Variants in PRSS21 observed in about 807,000 individuals in gnomAD.
The protein encoded by PRSS21 is testisin.
In PRSS21, 40 loss-of-function variants were observed where a neutral mutation model predicts 31.1. That is an observed-to-expected ratio of 1.29 (90% CI 1.00 to 1.68). The LOEUF is 1.68. Among genes scored for constraint, PRSS21 ranks in the 40% most tolerant of loss-of-function variants. The pLI, the probability that PRSS21 is intolerant of heterozygous loss-of-function variation, is 0.00. For missense variants in PRSS21, 467 were observed against 412.6 expected, an observed-to-expected ratio of 1.13 and a Z score of -1.14; for synonymous variants, 186 against 167.7, an observed-to-expected ratio of 1.11 and a Z score of -0.84.
chr16:2,821,706 G>A lies in PRSS21; in HGVS notation c.*101G>A. On this transcript the variant is annotated 3_prime_UTR_variant, in exon 6 of 6. Coordinates refer to ENST00000005995, the MANE Select transcript of PRSS21 (RefSeq NM_006799.4). ...ACACATTCCAGTTGATGCCTTGCAGGGCATTCTTCAAAAGCAGTGGCTTCA... is the reference window on the plus strand; with the variant it reads ...ACACATTCCAGTTGATGCCTTGCAGAGCATTCTTCAAAAGCAGTGGCTTCA... 1 of 1,452,288 alleles carries A rather than the reference G, an allele frequency of 6.9e-7. No homozygotes were observed. The highest frequency in any genetic ancestry group is 9.3e-7 in the Non-Finnish European group (1 of 1,075,382). 90.0% of individuals were successfully genotyped at this position (1,452,288 alleles called of 1,614,324 possible). A position where few individuals can be genotyped will look rare whatever the true frequency, so the allele number is the denominator to read the frequency against.
At position 2,817,533 on chromosome 16, in the gene PRSS21, G is replaced by A. The variant is rs915881979; in HGVS notation, c.91+77G>A. ...ACGGGGGGCGGTGAGGGGGTAGAGG[G>A]GGGCCTTTACTGCTCTCTCGCCCCC... On this transcript the variant is annotated intron_variant, in intron 2 of 5. Coordinates refer to ENST00000005995, the MANE Select transcript of PRSS21 (RefSeq NM_006799.4). The surrounding 1 kb of genome is among the most constrained non-coding windows in gnomAD (Gnocchi z 4.2). 1.2e-5 allele frequency: 17 copies of A among 1,384,964 alleles called. No homozygotes were observed. The highest frequency in any genetic ancestry group is 1.5e-5 in the Non-Finnish European group (16 of 1,033,970). 85.8% of individuals were successfully genotyped at this position (1,384,964 alleles called of 1,614,324 possible).
At chr16:2,819,649 T>C (rs1214205455) in intron 4 of PRSS21, among the ~76,000 whole-genome samples, 1 of 152,234 alleles carries the variant, frequency 6.6e-6, no homozygotes, top group Non-Finnish European at 1.5e-5. Context: ...ACGTGGTTCC[T>C]TGAGCACACG....
intron 4 of PRSS21, 123 bp from the exon 5 acceptor site, chr16:2,820,832 A>G (rs546154702): frequency 2.8e-5 from 27 of 969,588 alleles, no homozygotes; most frequent in Non-Finnish European, 3.7e-5. Flanking sequence ...AGCTGGGGGT[A>G]ATGGAGATGA....
In PRSS21 at chr16:2,817,513, GGGC is replaced by G; in HGVS notation, c.91+60_91+62del. 7.3e-7 allele frequency: 1 copy of G among 1,367,680 alleles called. No homozygotes were observed. The highest frequency in any genetic ancestry group is 9.8e-7 in the Non-Finnish European group (1 of 1,022,316). The allele number at this position is 1,367,680 out of a possible 1,614,324, so 84.7% of individuals were successfully genotyped here. A position where few individuals can be genotyped will look rare whatever the true frequency, so the allele number is the denominator to read the frequency against. On this transcript the variant is annotated intron_variant, in intron 2 of 5. Transcript: ENST00000005995. The surrounding 1 kb of genome is among the most constrained non-coding windows in gnomAD (Gnocchi z 4.2). ...GGGCCGTTGGGCCGAGGTGGACGGG[GGGC>G]GGTGAGGGGGTAGAGGGGGGCCTTT...
At chr16:2,821,228 A>G in intron 5 of PRSS21, 119 bp downstream of exon 5, 1 of 1,539,858 alleles carries the variant, frequency 6.5e-7, no homozygotes, top group Admixed American at 1.7e-5. Context: ...AGATGCAGAA[A>G]CGGAGGCTTG....
In PRSS21 at chr16:2,817,404, G is replaced by A. The variant is rs1222128026; in HGVS notation, c.65-26G>A. ...GGGGAGGACGGGAGGTGGAGGCCGCGGGGAGTCACTTCTTGTCTCCCGCAG... is the reference window on the plus strand; with the variant it reads ...GGGGAGGACGGGAGGTGGAGGCCGCAGGGAGTCACTTCTTGTCTCCCGCAG... On this transcript the variant is annotated intron_variant, in intron 1 of 5. Coordinates refer to ENST00000005995, the MANE Select transcript of PRSS21 (RefSeq NM_006799.4). This position sits in a 1 kb window ranked among gnomAD's most constrained non-coding sequence, Gnocchi z 4.2. 2 of 1,595,902 alleles carry A rather than the reference G, an allele frequency of 1.3e-6. No individual in the cohort carries two copies. Among genetic ancestry groups the A allele is most frequent in the African/African-American group, 2.7e-5 (2 of 74,708 alleles).
chr16:2,817,238 GAGGGGGCGTC>G lies in PRSS21; in HGVS notation c.-27_-18del. 6.8e-7 allele frequency: 1 copy of G among 1,478,936 alleles called. No individual in the cohort carries two copies. The highest frequency in any genetic ancestry group is 8.9e-7 in the Non-Finnish European group (1 of 1,123,148). 91.6% of individuals were successfully genotyped at this position (1,478,936 alleles called of 1,614,324 possible). On this transcript the variant is annotated 5_prime_UTR_variant, in exon 1 of 6. Transcript: ENST00000005995. This position sits in a 1 kb window ranked among gnomAD's most constrained non-coding sequence, Gnocchi z 4.2. ...CCCGGGCCCGGCGCGAGAGGAGGCA[GAGGGGGCGTC>G]AGGCCGCGGGAGAGGAGGCCATGGG... is the stretch of plus-strand genomic sequence containing the variant.
Position 2,817,524 on chromosome 16 carries a change from G to T in PRSS21, c.91+68G>T. ...CCGAGGTGGACGGGGGGCGGTGAGGGGGTAGAGGGGGGCCTTTACTGCTCT... is the reference window on the plus strand; with the variant it reads ...CCGAGGTGGACGGGGGGCGGTGAGGTGGTAGAGGGGGGCCTTTACTGCTCT... On this transcript the variant is annotated intron_variant, in intron 2 of 5. Transcript: ENST00000005995. This position sits in a 1 kb window ranked among gnomAD's most constrained non-coding sequence, Gnocchi z 4.2. The T allele has an allele frequency of 8.4e-7, 1 of 1,195,696 alleles. No homozygotes were observed. Among genetic ancestry groups the T allele is most frequent in the Non-Finnish European group, 1.1e-6 (1 of 885,430 alleles). 74.1% of individuals were successfully genotyped at this position (1,195,696 alleles called of 1,614,324 possible).
chr16:2,820,729 A>T (rs2069156889), intron 4 of PRSS21, among the ~76,000 whole-genome samples: 1 of 152,140 alleles, frequency 6.6e-6, no homozygotes, highest in South Asian at 2.1e-4. Context: ...ACAGATAGGG[A>T]AAGTGCGGCT....
rs760162130 is a variant in PRSS21, at chr16:2,817,766, C to T, written c.92-35C>T. ...GGAGAGGTCGGGCTTGGGGGGCTGC[C>T]TCCCGCGGCTCAGCAGTTCCTCTGA... On this transcript the variant is annotated intron_variant, in intron 2 of 5. Coordinates refer to ENST00000005995, the MANE Select transcript of PRSS21 (RefSeq NM_006799.4). The surrounding 1 kb of genome is among the most constrained non-coding windows in gnomAD (Gnocchi z 4.2). The T allele has an allele frequency of 1.3e-6, 2 of 1,540,196 alleles. No homozygotes were observed.
chr16:2,818,658 CTCTCT>C lies in PRSS21; in HGVS notation c.258-10_258-6del. 6.2e-7 allele frequency: 1 copy of C among 1,610,790 alleles called. No homozygotes were observed. Among genetic ancestry groups the C allele is most frequent in the Non-Finnish European group, 8.5e-7 (1 of 1,177,678 alleles). On this transcript the variant is annotated splice_polypyrimidine_tract_variant and intron_variant, in intron 3 of 5. Transcript: ENST00000005995. ...GCCCTCCATCCAGGGCCCCTGACTG[CTCTCT>C]TCTCTTCTGCCAGCTATAGTGACCT...
At chr16:2,821,139 A>G in intron 5 of PRSS21, 30 bp downstream of exon 5, 3 of 1,612,574 alleles carry the variant, frequency 1.9e-6, no homozygotes, top group Non-Finnish European at 2.5e-6. Flanking sequence ...CTCCCAGCCC[A>G]GGAAAGCATC....
chr16:2,817,816 G>C lies in PRSS21; in HGVS notation c.107G>C (p.Arg36Pro). ...ACCATCCGAGGACCATGCGGCCGAC[G>C]GGTCATCACGTCGCGCATCGTGGGT... The part of the protein sequence containing the change: ...AAPLSGPCGR[R>P]VITSRIVGGE... The change falls in exon 3 of 6, where the codon CGG becomes CCG. Residue 36 changes from arginine to proline, a missense_variant. Transcript: ENST00000005995. This position sits in a 1 kb window ranked among gnomAD's most constrained non-coding sequence, Gnocchi z 4.2. 2.6e-6 allele frequency: 4 copies of C among 1,550,384 alleles called. No homozygotes were observed. The highest frequency in any genetic ancestry group is 3.5e-6 in the Non-Finnish European group (4 of 1,147,114).
rs1042015671 is a variant in PRSS21, at chr16:2,821,715, C to T, written c.*110C>T. 41 of 1,416,246 alleles carry T rather than the reference C, an allele frequency of 2.9e-5. No homozygotes were observed. The highest frequency in any genetic ancestry group is 3.8e-5 in the Non-Finnish European group (40 of 1,045,596). The allele number at this position is 1,416,246 out of a possible 1,614,324, so 87.7% of individuals were successfully genotyped here. ...AGTTGATGCCTTGCAGGGCATTCTT[C>T]AAAAGCAGTGGCTTCATGGACAGCT... On this transcript the variant is annotated 3_prime_UTR_variant, in exon 6 of 6. Coordinates refer to ENST00000005995, the MANE Select transcript of PRSS21 (RefSeq NM_006799.4).
At position 2,821,128 on chromosome 16, in the gene PRSS21, A is replaced by G. The variant is rs776562945; in HGVS notation, c.705+19A>G. 2 of 1,612,982 alleles carry G rather than the reference A, an allele frequency of 1.2e-6. No individual in the cohort carries two copies. Among genetic ancestry groups the G allele is most frequent in the Non-Finnish European group, 1.7e-6 (2 of 1,179,638 alleles). ...CTGCTTCGTGAGTGTCCTTGCCACC[A>G]CTCCCAGCCCAGGAAAGCATCCTGT... On this transcript the variant is annotated intron_variant, in intron 5 of 5. Transcript: ENST00000005995.
In PRSS21 at chr16:2,817,798, G is replaced by C. The variant is rs1454705401; in HGVS notation, c.92-3G>C. Reference sequence around the variant, plus strand: ...GGCTCAGCAGTTCCTCTGACCATCCGAGGACCATGCGGCCGACGGGTCATC... The same window carrying C: ...GGCTCAGCAGTTCCTCTGACCATCCCAGGACCATGCGGCCGACGGGTCATC... On this transcript the variant is annotated splice_region_variant and splice_polypyrimidine_tract_variant and intron_variant, in intron 2 of 5. Coordinates refer to ENST00000005995, the MANE Select transcript of PRSS21 (RefSeq NM_006799.4). This position sits in a 1 kb window ranked among gnomAD's most constrained non-coding sequence, Gnocchi z 4.2. 6.5e-7 allele frequency: 1 copy of C among 1,549,354 alleles called. No homozygotes were observed. Among genetic ancestry groups the C allele is most frequent in the Non-Finnish European group, 8.7e-7 (1 of 1,146,728 alleles).
In PRSS21 at chr16:2,818,700, C is replaced by A. The variant is rs1192427776; in HGVS notation, c.281C>A (p.Ser94Tyr). 4 of 1,614,192 alleles carry A rather than the reference C, an allele frequency of 2.5e-6. No homozygotes were observed. The African/African-American group carries it at 5.3e-5, about 22-fold the overall frequency. Residue 94 changes from serine to tyrosine, a missense_variant, in exon 4 of 6, where the codon TCC becomes TAC. Physicochemically the swap from Ser to Tyr is moderately radical, Grantham distance 144. Transcript: ENST00000005995. ...FETYSDLSDP[S>Y]GWMVQFGQLT... ...AGCTATAGTGACCTTAGTGATCCCT[C>A]CGGGTGGATGGTCCAGTTTGGCCAG...
In PRSS21 at chr16:2,817,525, G is replaced by T; in HGVS notation, c.91+69G>T. ...CGAGGTGGACGGGGGGCGGTGAGGG[G>T]GTAGAGGGGGGCCTTTACTGCTCTC... On this transcript the variant is annotated intron_variant, in intron 2 of 5. Coordinates refer to ENST00000005995, the MANE Select transcript of PRSS21 (RefSeq NM_006799.4). The surrounding 1 kb of genome is among the most constrained non-coding windows in gnomAD (Gnocchi z 4.2). 1.7e-6 allele frequency: 2 copies of T among 1,178,726 alleles called. No individual in the cohort carries two copies. The highest frequency in any genetic ancestry group is 2.3e-6 in the Non-Finnish European group (2 of 869,882). 73.0% of individuals were successfully genotyped at this position (1,178,726 alleles called of 1,614,324 possible). A position where few individuals can be genotyped will look rare whatever the true frequency, so the allele number is the denominator to read the frequency against.
chr16:2,819,594 C>G (rs1322602483), intron 4 of PRSS21, among the ~76,000 whole-genome samples: 1 of 152,232 alleles, frequency 6.6e-6, no homozygotes. Flanking sequence ...GCTCCCCTGT[C>G]TGGCCCGTCC....
Sources: allele counts gnomAD v4.1 joint callset (sites outside exome capture counted in the v4.1 genomes callset), GRCh38; gene constraint gnomAD v4.1.1; non-coding constraint Gnocchi (gnomAD v3.1); transcripts MANE v1.5; gene names NCBI Gene and HGNC (gene_info 2026-07-23, HGNC 2026-07-21).